MIER1: variants seen among roughly 807,000 people sequenced by gnomAD.
The protein encoded by MIER1 is mesoderm induction early response protein 1.
In MIER1, 40 loss-of-function variants were observed where a neutral mutation model predicts 75.7. The ratio of observed to expected loss-of-function variants is 0.53; its 90% CI spans 0.41 to 0.69. The LOEUF is 0.69. MIER1 is among the 30% of genes least tolerant of loss of function. The pLI is 0.00. For synonymous variants in MIER1, 213 were observed against 223.4 expected, an observed-to-expected ratio of 0.95 and a Z score of 0.42; for missense variants, 574 against 680.2, an observed-to-expected ratio of 0.84 and a Z score of 1.74.
intron 11 of MIER1, among the ~76,000 whole-genome samples, chr1:66,974,914 T>C (rs536185166): frequency 1.3e-5 from 2 of 152,342 alleles, no homozygotes; most frequent in South Asian, 2.1e-4. Context: ...AAAATGACTT[T>C]ATCTTTTTGC....
At chr1:66,935,678 C>G (rs1207304897) in intron 2 of MIER1, among the ~76,000 whole-genome samples, 1 of 152,172 alleles carries the variant, frequency 6.6e-6, no homozygotes, top group Non-Finnish European at 1.5e-5. Flanking sequence ...TTCTCCCTGA[C>G]CCCATTCCCT....
At chr1:66,977,169 G>A (rs1664885307) in intron 12 of MIER1, among the ~76,000 whole-genome samples, 2 of 151,852 alleles carry the variant, frequency 1.3e-5, no homozygotes, top group South Asian at 4.2e-4. Context: ...GAATGCAGTG[G>A]TGCAATCTCA....
chr1:66,928,768 A>G (rs1652418224), intron 2 of MIER1: 7 of 579,336 alleles, frequency 1.2e-5, no homozygotes, highest in Non-Finnish European at 2.1e-5. Flanking sequence ...ACACTTTTAT[A>G]TAAGTTTTCT....
At chr1:66,977,537 C>T (rs529256543) in intron 12 of MIER1, among the ~76,000 whole-genome samples, 40 of 152,286 alleles carry the variant, frequency 2.6e-4, no homozygotes, top group African/African-American at 9.1e-4. Context: ...GTCCCATTGA[C>T]ACAGATATGG....
In MIER1 at chr1:66,985,851, AG is replaced by A; in HGVS notation, c.*954del. The A allele has an allele frequency of 2.5e-6, 2 of 802,192 alleles. No individual in the cohort carries two copies. Among genetic ancestry groups the A allele is most frequent in the Non-Finnish European group, 3.0e-6 (2 of 666,962 alleles). The allele number at this position is 802,192 out of a possible 1,614,324, so 49.7% of individuals were successfully genotyped here. On this transcript the variant is annotated 3_prime_UTR_variant, in exon 14 of 14. Transcript: ENST00000401041. ...TTTTTTTTTTTTAAATTTCTACTTAAGGGCAAGTAATTTGAGAATTCTGAAA... is the reference window on the plus strand; with the variant it reads ...TTTTTTTTTTTTAAATTTCTACTTAAGGCAAGTAATTTGAGAATTCTGAAA...
intron 4 of MIER1, among the ~76,000 whole-genome samples, chr1:66,953,934 A>G (rs1056390113): frequency 2.6e-5 from 4 of 152,122 alleles, no homozygotes; most frequent in Non-Finnish European, 4.4e-5. Flanking sequence ...TGAATAAGTA[A>G]GGGTATTTTT....
At chr1:66,956,118 T>C (rs1660080638) in intron 4 of MIER1, among the ~76,000 whole-genome samples, 1 of 152,176 alleles carries the variant, frequency 6.6e-6, no homozygotes, top group South Asian at 2.1e-4. Context: ...TATTTGTTAT[T>C]CTTGTATATA....
chr1:66,985,192 T>G lies in MIER1; in HGVS notation c.*292T>G. 1.0e-6 allele frequency: 1 copy of G among 978,986 alleles called. No individual in the cohort carries two copies. Among genetic ancestry groups the G allele is most frequent in the African/African-American group, 1.7e-5 (1 of 57,702 alleles). The allele number at this position is 978,986 out of a possible 1,614,324, so 60.6% of individuals were successfully genotyped here. A position where few individuals can be genotyped will look rare whatever the true frequency, so the allele number is the denominator to read the frequency against. On this transcript the variant is annotated 3_prime_UTR_variant, in exon 14 of 14. Coordinates refer to ENST00000401041, the MANE Select transcript of MIER1 (RefSeq NM_001077700.3). Reference sequence around the variant, plus strand: ...GTTCATTCAGATTTACTAATTTTGGTAAATCTGAATGAACTAAAGATGTAT... The same window carrying G: ...GTTCATTCAGATTTACTAATTTTGGGAAATCTGAATGAACTAAAGATGTAT...
Position 66,926,208 on chromosome 1 carries a change from T to C in MIER1, c.134T>C (p.Leu45Ser). 1 of 1,613,822 alleles carries C rather than the reference T, an allele frequency of 6.2e-7. No individual in the cohort carries two copies. The highest frequency in any genetic ancestry group is 8.5e-7 in the Non-Finnish European group (1 of 1,179,790). ...EFRTWLRTNWLRFNADKTDVM... is the reference protein window; with the variant it reads ...EFRTWLRTNWSRFNADKTDVM... ...CGGACGTGGTTAAGAACCAACTGGT[T>C]GAGGTTCAATGCAGACAAGACGGAT... The change falls in exon 2 of 14, where the codon TTG becomes TCG. Residue 45 changes from leucine to serine, a missense_variant. By Grantham distance (145) the Leu-to-Ser change is moderately radical. Transcript: ENST00000401041.
intron 4 of MIER1, among the ~76,000 whole-genome samples, chr1:66,952,981 G>A (rs1335797143): frequency 6.6e-6 from 1 of 152,168 alleles, no homozygotes; most frequent in African/African-American, 2.4e-5. Context: ...ATATTATGCT[G>A]TCAGTTTGTA....
chr1:66,954,081 TC>T (rs1353912163), intron 4 of MIER1, among the ~76,000 whole-genome samples: 1 of 152,202 alleles, frequency 6.6e-6, no homozygotes. Context: ...TCTCTCCTAA[TC>T]CCTGGTTGAA....
chr1:66,931,698 G>C (rs1653414544), intron 2 of MIER1, among the ~76,000 whole-genome samples: 1 of 152,164 alleles, frequency 6.6e-6, no homozygotes, highest in Non-Finnish European at 1.5e-5. Context: ...GGAGAACGTA[G>C]TACTTTCTGT....
At chr1:66,931,253 G>T (rs932161694) in intron 2 of MIER1, among the ~76,000 whole-genome samples, 11 of 152,080 alleles carry the variant, frequency 7.2e-5, no homozygotes, top group African/African-American at 2.7e-4. Flanking sequence ...TTTATTAATC[G>T]GAACTAAGTA....
chr1:66,937,454 G>T (rs1286213744), intron 2 of MIER1, among the ~76,000 whole-genome samples: 2 of 151,984 alleles, frequency 1.3e-5, no homozygotes, highest in East Asian at 1.9e-4. Flanking sequence ...CCATGGTGGC[G>T]CACGCTTGTA....
intron 12 of MIER1, among the ~76,000 whole-genome samples, chr1:66,977,584 T>C (rs934249038): frequency 1.4e-4 from 22 of 152,336 alleles, no homozygotes; most frequent in Admixed American, 6.5e-4. Flanking sequence ...ATGTCTGATA[T>C]GCCTAATTTA....
chr1:66,972,198 C>A (rs1028454437), intron 10 of MIER1, among the ~76,000 whole-genome samples: 5 of 145,550 alleles, frequency 3.4e-5, no homozygotes, highest in Non-Finnish European at 7.5e-5. Flanking sequence ...CTCCTACCCC[C>A]CTTCACTAAG....
At chr1:66,945,164 G>C (rs986651174) in intron 3 of MIER1, among the ~76,000 whole-genome samples, 1 of 151,422 alleles carries the variant, frequency 6.6e-6, no homozygotes, top group African/African-American at 2.4e-5. Context: ...AACCTCCCTC[G>C]GATACCAAAA....
intron 3 of MIER1, among the ~76,000 whole-genome samples, chr1:66,945,416 T>G (rs1213352083): frequency 1.3e-5 from 2 of 151,852 alleles, no homozygotes. Context: ...AGACAGAGGT[T>G]TTTTTGTTTT....
intron 7 of MIER1, among the ~76,000 whole-genome samples, chr1:66,960,708 G>C (rs1284372673): frequency 1.3e-5 from 2 of 152,132 alleles, no homozygotes; most frequent in Non-Finnish European, 1.5e-5. Context: ...TTTTTGTTGA[G>C]AGACAAGGTT....
Sources: gnomAD v4.1 joint callset for allele counts (sites outside exome capture counted in the v4.1 genomes callset) on GRCh38, gnomAD v4.1.1 for gene constraint, MANE v1.5 for transcripts, NCBI Gene and HGNC (gene_info 2026-07-23, HGNC 2026-07-21) for gene names.